The following TP53BP2 variants were observed in gnomAD, a reference collection of about 807,000 sequenced individuals.
TP53BP2 encodes tumor protein p53 binding protein 2.
A neutral mutation model predicts 126.2 loss-of-function variants in TP53BP2; 62 were observed. The ratio of observed to expected loss-of-function variants is 0.49; its 90% CI spans 0.40 to 0.61. TP53BP2 has a LOEUF of 0.61. Ranked by LOEUF, TP53BP2 falls within the 20% of genes least tolerant of loss-of-function variation. The pLI is 0.00. For missense variants in TP53BP2, 1,215 were observed against 1,402.8 expected, an observed-to-expected ratio of 0.87 and a Z score of 2.14; for synonymous variants, 485 against 502.9, an observed-to-expected ratio of 0.96 and a Z score of 0.48.
chr1:223,796,510 G>A lies in TP53BP2; in HGVS notation c.2029C>T (p.Pro677Ser), dbSNP rs1349151373. The part of the protein sequence containing the change: ...ENIYSNSQGK[P>S]GSPEPETEPV... The stretch of plus-strand genomic sequence containing the variant: ...TCTGTTTCAGGTTCTGGACTGCCAG[G>A]CTTGCCCTGGCTATTGGAATAAATG... Residue 677 changes from proline (P) to serine (S), a missense_variant, in exon 13 of 18, where the codon CCT becomes TCT. Around this residue, in one of 4 missense-constraint regions of TP53BP2, gnomAD observed 814 missense variants for 853.0 expected, o/e 0.95. Coordinates refer to ENST00000343537, the MANE Select transcript of TP53BP2 (RefSeq NM_001031685.3). The surrounding 1 kb of genome is among the most constrained non-coding windows in gnomAD (Gnocchi z 4.2). 1.9e-6 allele frequency: 3 copies of A among 1,614,060 alleles called. No individual in the cohort carries two copies. The highest frequency in any genetic ancestry group is 3.3e-5 in the Admixed American group (2 of 60,016).
intron 4 of TP53BP2, among the ~76,000 whole-genome samples, chr1:223,808,159 C>CA (rs1662785644): frequency 6.6e-6 from 1 of 152,162 alleles, no homozygotes. Context: ...GGTGCAAAAG[C>CA]AACTGAGTGG....
intron 8 of TP53BP2, 44 bp from the exon 9 acceptor site, chr1:223,802,388 A>C (rs1662559519): frequency 1.0e-4 from 156 of 1,538,806 alleles, no homozygotes; most frequent in Non-Finnish European, 1.3e-4. Flanking sequence ...AAATCATCTC[A>C]GGTGATCAGA....
At chr1:223,798,180 T>C (rs767357760) in intron 12 of TP53BP2, 35 bp downstream of exon 12, 6 of 1,579,488 alleles carry the variant, frequency 3.8e-6, no homozygotes, top group Non-Finnish European at 5.2e-6. Context: ...GGTATAGAAC[T>C]TAAGCACGTC....
At chr1:223,783,604 C>T (rs891067265) in intron 17 of TP53BP2, among the ~76,000 whole-genome samples, 9 of 152,218 alleles carry the variant, frequency 5.9e-5, no homozygotes, top group Non-Finnish European at 1.0e-4. Context: ...TCTGACCATA[C>T]GCCAGCCTTC....
chr1:223,807,950 T>C (rs1662778864), intron 4 of TP53BP2, among the ~76,000 whole-genome samples: 1 of 152,152 alleles, frequency 6.6e-6, no homozygotes, highest in Non-Finnish European at 1.5e-5. Flanking sequence ...CATATGGAAG[T>C]ACAAAGCATC....
chr1:223,807,084 T>A, intron 4 of TP53BP2, 137 bp from the exon 5 acceptor site: 1 of 583,730 alleles, frequency 1.7e-6, no homozygotes. Context: ...TCTTTCATAA[T>A]ATCAAGCAGA....
chr1:223,823,726 C>T (rs1663396802), intron 1 of TP53BP2, among the ~76,000 whole-genome samples: 1 of 152,224 alleles, frequency 6.6e-6, no homozygotes, highest in South Asian at 2.1e-4. Context: ...GTACACTCGT[C>T]TGCTGCTCCC....
rs769849555 is a variant in TP53BP2, at chr1:223,796,599, A to G, written c.1949-9T>C. On this transcript the variant is annotated splice_polypyrimidine_tract_variant and intron_variant, in intron 12 of 17. Coordinates refer to ENST00000343537, the MANE Select transcript of TP53BP2 (RefSeq NM_001031685.3). The surrounding 1 kb of genome is among the most constrained non-coding windows in gnomAD (Gnocchi z 4.2). ...TACAGGCTTACCATATACTAATTGG[A>G]AAAGGAAAAAAAAAAGCCCTCATTA... 2.2e-5 allele frequency: 34 copies of G among 1,538,544 alleles called. No individual in the cohort carries two copies. In the South Asian group the frequency reaches 3.9e-4, roughly 18 times the overall value.
At chr1:223,802,502 G>C in intron 8 of TP53BP2, 158 bp from the exon 9 acceptor site, 1 of 848,164 alleles carries the variant, frequency 1.2e-6, no homozygotes. Context: ...ACTCCCCAAT[G>C]AACTCTCACC....
At chr1:223,827,851 T>G (rs1272619034) in intron 1 of TP53BP2, among the ~76,000 whole-genome samples, 2 of 152,212 alleles carry the variant, frequency 1.3e-5, no homozygotes, top group African/African-American at 4.8e-5. Context: ...CCTATCATGT[T>G]AACATGAGAA....
At position 223,845,766 on chromosome 1, in the gene TP53BP2, G is replaced by A; in HGVS notation, c.-86C>T. 1 of 1,356,184 alleles carries A rather than the reference G, an allele frequency of 7.4e-7. No individual in the cohort carries two copies. The highest frequency in any genetic ancestry group is 1.6e-5 in the South Asian group (1 of 61,794). The allele number at this position is 1,356,184 out of a possible 1,614,324, so 84.0% of individuals were successfully genotyped here. A position where few individuals can be genotyped will look rare whatever the true frequency, so the allele number is the denominator to read the frequency against. ...GCGGGGGAGGGGAGCGGAGAGCGAG[G>A]CCGCCCGGACCTGTTGCGAGGCGGC... On this transcript the variant is annotated 5_prime_UTR_variant, in exon 1 of 18. Coordinates refer to ENST00000343537, the MANE Select transcript of TP53BP2 (RefSeq NM_001031685.3).
At chr1:223,824,139 G>A (rs941920790) in intron 1 of TP53BP2, among the ~76,000 whole-genome samples, 2 of 152,126 alleles carry the variant, frequency 1.3e-5, no homozygotes, top group African/African-American at 4.8e-5. Context: ...CTGTTTTTCT[G>A]ATCTATCCTC....
At chr1:223,791,511 G>C (rs967367101) in intron 15 of TP53BP2, among the ~76,000 whole-genome samples, 3 of 152,108 alleles carry the variant, frequency 2.0e-5, no homozygotes, top group African/African-American at 7.2e-5. Flanking sequence ...TAATAAAAGG[G>C]AGACCGTCAC....
rs772539539 is a variant in TP53BP2 at position 223,814,256 on chromosome 1, G to T, written c.273C>A (p.Pro91=). The T allele has an allele frequency of 6.2e-7, 1 of 1,613,322 alleles. No homozygotes were observed. The highest frequency in any genetic ancestry group is 1.3e-5 in the African/African-American group (1 of 74,910). ...EVRFFLRHER[P]PGRDIVSGPR... is the part of the protein sequence containing the mutation. ...ACTACCTACCAATGTCCCTGCCAGGGGGGCGTTCATGACGAAGGAAGAAGC... is the reference window on the plus strand; with the variant it reads ...ACTACCTACCAATGTCCCTGCCAGGTGGGCGTTCATGACGAAGGAAGAAGC... The change falls in exon 3 of 18, where the codon CCC becomes CCA. Residue 91 remains proline (P), a synonymous_variant. Transcript: ENST00000343537.
At chr1:223,805,417 A>C (rs1153930) in intron 5 of TP53BP2, among the ~76,000 whole-genome samples, 25,840 of 152,190 alleles carry the variant, frequency 0.17, 3,487 homozygotes, top group African/African-American at 0.36. Context: ...CAGAAGCTCA[A>C]ACCTCAACTC....
At chr1:223,792,856 T>C (rs1478942734) in intron 14 of TP53BP2, among the ~76,000 whole-genome samples, 1 of 131,250 alleles carries the variant, frequency 7.6e-6, no homozygotes, top group Non-Finnish European at 1.6e-5. Flanking sequence ...GCATTTGCTA[T>C]GGAAAGCAAA....
chr1:223,836,675 G>A (rs1043959772), intron 1 of TP53BP2, among the ~76,000 whole-genome samples: 1 of 152,122 alleles, frequency 6.6e-6, no homozygotes, highest in African/African-American at 2.4e-5. Flanking sequence ...GCCTGATGGG[G>A]CAGAGAACAG....
At chr1:223,806,750 G>A in intron 5 of TP53BP2, 96 bp downstream of exon 5, 2 of 863,256 alleles carry the variant, frequency 2.3e-6, no homozygotes, top group East Asian at 2.7e-5. Context: ...CTTGAACTCA[G>A]GAGGCGGAGG....
chr1:223,789,190 C>T lies in TP53BP2; in HGVS notation c.2997-16G>A, dbSNP rs1348664406. On this transcript the variant is annotated splice_polypyrimidine_tract_variant and intron_variant, in intron 15 of 17. Transcript: ENST00000343537. ...TAATGGAGTCCTGTGAAGCAAGATACGAGGGCTAGAACTGTTTTCCTAAAC... is the reference window on the plus strand; with the variant it reads ...TAATGGAGTCCTGTGAAGCAAGATATGAGGGCTAGAACTGTTTTCCTAAAC... 11 of 1,613,814 alleles carry T rather than the reference C, an allele frequency of 6.8e-6. No individual in the cohort carries two copies. The highest frequency in any genetic ancestry group is 1.1e-5 in the South Asian group (1 of 91,034).
Sources: allele counts gnomAD v4.1 joint callset (sites outside exome capture counted in the v4.1 genomes callset), GRCh38; gene constraint gnomAD v4.1.1; regional missense constraint gnomAD v4.1.1; non-coding constraint Gnocchi (gnomAD v3.1); transcripts MANE v1.5; gene names NCBI Gene and HGNC (gene_info 2026-07-23, HGNC 2026-07-21).